Variants in DACH2 observed in about 807,000 individuals in gnomAD.
The protein encoded by DACH2 is dachshund homolog 2.
Under a neutral mutation model 35.8 loss-of-function variants are expected in DACH2, and 17 were observed. The observed-to-expected ratio is 0.48, with a 90% CI of 0.33 to 0.71. DACH2 has a LOEUF of 0.71. Ranked by LOEUF, DACH2 falls within the 30% of genes least tolerant of loss-of-function variation. The probability of loss-of-function intolerance (pLI) is 0.02; values close to 1 mark genes in which losing one functional copy is unlikely to be tolerated. For synonymous variants in DACH2, 195 were observed against 177.3 expected, an observed-to-expected ratio of 1.10 and a Z score of -0.79; for missense variants, 469 against 472.7, an observed-to-expected ratio of 0.99 and a Z score of 0.07.
chrX:86,628,521 A>G (rs888330351), intron 3 of DACH2, among the ~76,000 whole-genome samples: 11 of 112,735 alleles, frequency 9.8e-5, no homozygotes, highest in African/African-American at 3.5e-4. Context: ...GTTATGAATT[A>G]CACGTTTAAT....
intron 1 of DACH2, among the ~76,000 whole-genome samples, chrX:86,220,002 C>CAAA (rs574196058): frequency 0.1 from 6,345 of 61,181 alleles, 1,064 homozygotes; most frequent in African/African-American, 0.38. Context: ...ACTAAAAATA[C>CAAA]AAAAAAAAAA....
intron 1 of DACH2, among the ~76,000 whole-genome samples, chrX:86,327,633 G>C (rs555401514): frequency 8.9e-6 from 1 of 111,970 alleles, no homozygotes; most frequent in South Asian, 3.7e-4. Context: ...CTTTTCTGTG[G>C]TTTCAGTTAT....
At chrX:86,242,543 G>T (rs925920568) in intron 1 of DACH2, among the ~76,000 whole-genome samples, 3 of 111,823 alleles carry the variant, frequency 2.7e-5, no homozygotes, top group Non-Finnish European at 5.6e-5. Context: ...TGAGACTTTG[G>T]ACTTATTTGG....
chrX:86,274,658 T>C (rs5968845), intron 1 of DACH2, among the ~76,000 whole-genome samples: 13 of 107,546 alleles, frequency 1.2e-4, no homozygotes, highest in East Asian at 2.9e-4. Flanking sequence ...CCACGCCCGG[T>C]TAATTTTGTT....
intron 1 of DACH2, among the ~76,000 whole-genome samples, chrX:86,307,051 T>G (rs770049353): frequency 1.8e-5 from 2 of 112,051 alleles, no homozygotes; most frequent in East Asian, 5.6e-4. Flanking sequence ...CCTGATTCAC[T>G]GCTCATGAAA....
intron 3 of DACH2, among the ~76,000 whole-genome samples, chrX:86,556,279 C>T (rs2039117211): frequency 9.0e-6 from 1 of 111,005 alleles, no homozygotes; most frequent in Non-Finnish European, 1.9e-5. Context: ...CAATCGTTGC[C>T]TGTTCTGGAA....
chrX:86,650,997 TATAA>T (rs748509338), intron 3 of DACH2, 35 bp from the exon 4 acceptor site: 2 of 1,095,385 alleles, frequency 1.8e-6, no homozygotes, highest in Non-Finnish European at 1.2e-6. Flanking sequence ...AAATTATTAA[TATAA>T]ATAAATAAAT....
At chrX:86,349,276 TC>T (rs1414095393) in intron 1 of DACH2, among the ~76,000 whole-genome samples, 2 of 111,609 alleles carry the variant, frequency 1.8e-5, no homozygotes, top group Non-Finnish European at 3.8e-5. Flanking sequence ...TGGGCCAAAC[TC>T]CGCATCATTT....
At chrX:86,601,651 G>A (rs1216816317) in intron 3 of DACH2, among the ~76,000 whole-genome samples, 3 of 112,112 alleles carry the variant, frequency 2.7e-5, no homozygotes, top group Non-Finnish European at 5.6e-5. Context: ...TAATGAGGTA[G>A]TAGTTATCTA....
chrX:86,828,345 T>C (rs2042581335), intron 11 of DACH2: 1 of 111,764 alleles, frequency 8.9e-6, no homozygotes, highest in Admixed American at 9.6e-5. Context: ...TAAGAAAATA[T>C]AAGGAGCTCT....
At chrX:86,487,549 T>G (rs916437298) in intron 2 of DACH2, among the ~76,000 whole-genome samples, 2 of 111,558 alleles carry the variant, frequency 1.8e-5, no homozygotes, top group African/African-American at 6.5e-5. Context: ...AGAGCTTCTT[T>G]GCAGTGCATG....
intron 11 of DACH2, among the ~76,000 whole-genome samples, chrX:86,822,417 A>G (rs1371816517): frequency 8.9e-6 from 1 of 112,174 alleles, no homozygotes; most frequent in African/African-American, 3.2e-5. Context: ...CCTTTAAATA[A>G]TATCCTCTAG....
chrX:86,673,498 C>T (rs1312045631), intron 4 of DACH2, among the ~76,000 whole-genome samples: 2 of 111,071 alleles, frequency 1.8e-5, no homozygotes, highest in Non-Finnish European at 3.8e-5. Context: ...GCCTGTACCC[C>T]CATTGTATCT....
chrX:86,322,935 A>ATT (rs56193440), intron 1 of DACH2, among the ~76,000 whole-genome samples: 7 of 110,450 alleles, frequency 6.3e-5, no homozygotes, highest in African/African-American at 9.9e-5. Context: ...TTTAGAGGAC[A>ATT]TTTTTCTCCT....
intron 2 of DACH2, among the ~76,000 whole-genome samples, chrX:86,416,559 C>T (rs1445148539): frequency 2.7e-5 from 3 of 111,774 alleles, no homozygotes; most frequent in Admixed American, 9.5e-5. Context: ...GTCTGTTCAT[C>T]AGCAAGATGA....
intron 1 of DACH2, among the ~76,000 whole-genome samples, chrX:86,309,445 T>A (rs1386427833): frequency 9.2e-6 from 1 of 109,282 alleles, no homozygotes. Context: ...ATACCTTTAC[T>A]GTCCTACCAC....
intron 2 of DACH2, among the ~76,000 whole-genome samples, chrX:86,406,996 C>A (rs1165091798): frequency 8.9e-6 from 1 of 111,968 alleles, no homozygotes; most frequent in Non-Finnish European, 1.9e-5. Context: ...TAGTGTCAGA[C>A]CAAATTATTT....
intron 4 of DACH2, among the ~76,000 whole-genome samples, chrX:86,675,230 T>C (rs1302682808): frequency 9.0e-6 from 1 of 111,360 alleles, no homozygotes; most frequent in African/African-American, 3.3e-5. Flanking sequence ...TTTGAGATCA[T>C]CCAGCTCAAC....
chrX:86,392,613 G>T (rs1010626901), intron 2 of DACH2, among the ~76,000 whole-genome samples: 1 of 111,324 alleles, frequency 9.0e-6, no homozygotes, highest in African/African-American at 3.3e-5. Context: ...CATGACCAAA[G>T]GCAAAGAGCT....
Sources: allele counts gnomAD v4.1 joint callset (sites outside exome capture counted in the v4.1 genomes callset), GRCh38; gene constraint gnomAD v4.1.1; transcripts MANE v1.5; gene names NCBI Gene and HGNC (gene_info 2026-07-23, HGNC 2026-07-21).